GALNT10: variants seen among roughly 807,000 people sequenced by gnomAD.
GALNT10 encodes the protein GalNAc transferase 10.
In GALNT10, 41 loss-of-function variants were observed where a neutral mutation model predicts 75.0. The ratio of observed to expected loss-of-function variants is 0.55; its 90% CI spans 0.43 to 0.71. The LOEUF (loss-of-function observed/expected upper bound fraction) is 0.71, where lower values mean the gene tolerates loss of function less well. Among genes scored for constraint, GALNT10 ranks in the 30% least tolerant of loss-of-function variants. GALNT10 has a pLI of 0.00. For synonymous variants in GALNT10, 302 were observed against 313.0 expected (o/e 0.96, Z 0.37); for missense variants, 727 against 818.5 (o/e 0.89, Z 1.36).
At chr5:154,326,961 T>C (rs1472604894) in intron 3 of GALNT10, among the ~76,000 whole-genome samples, 2 of 152,240 alleles carry the variant, frequency 1.3e-5, no homozygotes, top group Non-Finnish European at 2.9e-5. Context: ...TAATTCTATA[T>C]GTTAAATATA....
At chr5:154,280,535 A>G (rs750049288) in intron 1 of GALNT10, among the ~76,000 whole-genome samples, 24 of 152,210 alleles carry the variant, frequency 1.6e-4, no homozygotes, top group Non-Finnish European at 3.1e-4. Flanking sequence ...AAGTATGTAC[A>G]ATTATTATGT....
At chr5:154,257,635 T>G (rs1233137452) in intron 1 of GALNT10, among the ~76,000 whole-genome samples, 2 of 149,850 alleles carry the variant, frequency 1.3e-5, no homozygotes, top group African/African-American at 4.9e-5. Flanking sequence ...ATCGCACCAC[T>G]GCACTCCAGC....
At chr5:154,200,254 A>AT (rs1360683013) in intron 1 of GALNT10, among the ~76,000 whole-genome samples, 1 of 152,144 alleles carries the variant, frequency 6.6e-6, no homozygotes, top group Non-Finnish European at 1.5e-5. Flanking sequence ...TGCCGCCTGG[A>AT]TGCTGCACTC....
chr5:154,239,140 C>T (rs1309640769), intron 1 of GALNT10, among the ~76,000 whole-genome samples: 1 of 152,218 alleles, frequency 6.6e-6, no homozygotes, highest in East Asian at 1.9e-4. Flanking sequence ...CTTCCTTCCT[C>T]TTCTTGTTGG....
chr5:154,379,028 T>G (rs183104448), intron 5 of GALNT10, among the ~76,000 whole-genome samples: 212 of 133,584 alleles, frequency 1.6e-3, no homozygotes, highest in African/African-American at 5.5e-3. Flanking sequence ...TCAATGGGCC[T>G]GGGTCGGGGG....
rs769839512 is a variant in GALNT10, at chr5:154,329,567, T to A, written c.402-5T>A. ...TCCTCTGCCTCCCCTTATGTTTCCC[T>A]CTAGCTGCAACAGCAAGCGCTACCT... On this transcript the variant is annotated splice_region_variant and splice_polypyrimidine_tract_variant and intron_variant, in intron 3 of 11. Transcript: ENST00000297107. 2.5e-6 allele frequency: 4 copies of A among 1,612,942 alleles called. No homozygotes were observed. The highest frequency in any genetic ancestry group is 3.4e-6 in the Non-Finnish European group (4 of 1,179,094).
chr5:154,324,523 C>T (rs1309120162), intron 3 of GALNT10, among the ~76,000 whole-genome samples: 16 of 152,204 alleles, frequency 1.1e-4, no homozygotes, highest in Admixed American at 3.9e-4. Flanking sequence ...CAGAGTGCCT[C>T]CCAAGAAGCC....
At chr5:154,283,746 C>A (rs532764968) in intron 1 of GALNT10, among the ~76,000 whole-genome samples, 142 of 152,312 alleles carry the variant, frequency 9.3e-4, no homozygotes, top group African/African-American at 3.3e-3. Context: ...CCCCTCTCCC[C>A]CTCTTGGGGG....
At chr5:154,341,149 T>G (rs1755026826) in intron 4 of GALNT10, among the ~76,000 whole-genome samples, 1 of 151,120 alleles carries the variant, frequency 6.6e-6, no homozygotes, top group African/African-American at 2.5e-5. Flanking sequence ...TGTGATTTAG[T>G]GACATTAGTT....
rs757785549 is a variant in GALNT10 at position 154,380,509 on chromosome 5, C to T, written c.816C>T (p.Asp272=). 2.6e-5 allele frequency: 42 copies of T among 1,613,224 alleles called. No homozygotes were observed. The highest frequency in any genetic ancestry group is 4.0e-5 in the African/African-American group (3 of 74,892). Residue 272 remains aspartate (D), a synonymous_variant, in exon 6 of 12, where the codon GAC becomes GAT. Transcript: ENST00000297107. ...VCPMIDVIDH[D]DFRYETQAGD... ...CGATGATTGATGTAATTGACCATGACGACTTTCGGTACGAGACACAGGCAG... is the reference window on the plus strand; with the variant it reads ...CGATGATTGATGTAATTGACCATGATGACTTTCGGTACGAGACACAGGCAG...
intron 1 of GALNT10, among the ~76,000 whole-genome samples, chr5:154,265,935 C>T (rs525906): frequency 0.064 from 9,755 of 152,010 alleles, 859 homozygotes; most frequent in African/African-American, 0.2. Context: ...CCTTCCTCCA[C>T]TCTCATCAGA....
At chr5:154,252,796 C>G (rs1407519915) in intron 1 of GALNT10, among the ~76,000 whole-genome samples, 1 of 151,574 alleles carries the variant, frequency 6.6e-6, no homozygotes, top group Non-Finnish European at 1.5e-5. Flanking sequence ...TCCTTATTAC[C>G]TTGTTTTGGT....
chr5:154,287,288 C>T (rs533234239), intron 1 of GALNT10, among the ~76,000 whole-genome samples: 2 of 152,270 alleles, frequency 1.3e-5, no homozygotes, highest in South Asian at 2.1e-4. Flanking sequence ...TCTTATTGCT[C>T]GTGACTCACT....
At chr5:154,415,655 G>T (rs779322321) in intron 10 of GALNT10, 128 bp from the exon 11 acceptor site, 163 of 913,820 alleles carry the variant, frequency 1.8e-4, no homozygotes, top group Non-Finnish European at 2.5e-4. Flanking sequence ...AAAGCTAGGT[G>T]GTTAGAACAG....
At chr5:154,393,436 G>A (rs978078190) in intron 7 of GALNT10, among the ~76,000 whole-genome samples, 1 of 152,216 alleles carries the variant, frequency 6.6e-6, no homozygotes, top group East Asian at 1.9e-4. Context: ...CTTTGGGGGT[G>A]GGAGGTCTTC....
At chr5:154,268,817 G>A (rs1370677916) in intron 1 of GALNT10, among the ~76,000 whole-genome samples, 6 of 152,172 alleles carry the variant, frequency 3.9e-5, no homozygotes, top group Non-Finnish European at 7.3e-5. Flanking sequence ...TTCTCAAGAA[G>A]TTTCCAGGGA....
At chr5:154,334,525 G>T (rs1410529776) in intron 4 of GALNT10, among the ~76,000 whole-genome samples, 1 of 152,208 alleles carries the variant, frequency 6.6e-6, no homozygotes, top group Non-Finnish European at 1.5e-5. Flanking sequence ...TTGTTAATTT[G>T]TTTGTTTTTA....
intron 4 of GALNT10, among the ~76,000 whole-genome samples, chr5:154,343,718 T>C (rs112193276): frequency 0.014 from 2,132 of 152,278 alleles, 45 homozygotes; most frequent in African/African-American, 0.047. Flanking sequence ...GGGGGTAGAT[T>C]ACATCTCCTC....
chr5:154,415,129 A>C (rs1756478704), intron 10 of GALNT10, among the ~76,000 whole-genome samples: 1 of 152,202 alleles, frequency 6.6e-6, no homozygotes, highest in Non-Finnish European at 1.5e-5. Flanking sequence ...GTCTCAAAAA[A>C]CAAACAAAAA....
Sources: gnomAD v4.1 joint callset for allele counts (sites outside exome capture counted in the v4.1 genomes callset) on GRCh38, gnomAD v4.1.1 for gene constraint, MANE v1.5 for transcripts, NCBI Gene and HGNC (gene_info 2026-07-23, HGNC 2026-07-21) for gene names.